Variants in LZTFL1 observed in about 807,000 individuals in gnomAD.
LZTFL1 encodes the protein leucine zipper transcription factor like 1, also known as leucine zipper transcription factor-like protein 1.
Under a neutral mutation model 45.9 loss-of-function variants are expected in LZTFL1, and 25 were observed. The observed-to-expected ratio is 0.54, with a 90% CI of 0.40 to 0.76. The LOEUF is 0.76. LZTFL1 is among the 30% of genes least tolerant of loss of function. The pLI, the probability that LZTFL1 is intolerant of heterozygous loss-of-function variation, is 0.00. For missense variants in LZTFL1, 277 were observed against 331.1 expected (o/e 0.84, Z 1.27); for synonymous variants, 93 against 117.4 (o/e 0.79, Z 1.35).
intron 2 of LZTFL1, among the ~76,000 whole-genome samples, chr3:45,898,165 A>G (rs779214325): frequency 2.0e-5 from 3 of 152,114 alleles, no homozygotes; most frequent in Non-Finnish European, 2.9e-5. Flanking sequence ...TGTGATGTCC[A>G]CTGTGGGGTC....
chr3:45,886,792 A>G (rs1701993199), intron 2 of LZTFL1: 1 of 152,224 alleles, frequency 6.6e-6, no homozygotes, highest in Non-Finnish European at 1.5e-5. Flanking sequence ...ACTTTTCTAG[A>G]AACTTCCAGG....
Position 45,890,308 on chromosome 3 carries a change from T to TATATATATAAATATATATATAACATAA in LZTFL1, c.-215+22811_-215+22812insTTATGTTATATATATATTTATATATAT. Among the ~76,000 whole-genome samples the TATATATATAAATATATATATAACATAA allele has an allele frequency of 3.2e-3, 244 of 77,350 alleles. 63 individuals are homozygous for TATATATATAAATATATATATAACATAA. In the African/African-American group the frequency reaches 0.033, roughly 10 times the overall value. The allele number at this position is 77,350 out of a possible 152,430, so 50.7% of individuals were successfully genotyped here. ...TTTATATAAATATATATATAACATA[T>TATATATATAAATATATATATAACATAA]ATATATATTTATATAAATATATATA... On this transcript the variant is annotated intron_variant, in intron 2 of 4. Coordinates refer to the LZTFL1 transcript ENST00000472635.
At chr3:45,886,782 A>C (rs372046211) in intron 2 of LZTFL1, 8 of 152,346 alleles carry the variant, frequency 5.3e-5, no homozygotes, top group African/African-American at 1.9e-4. Context: ...GGCACCAGGC[A>C]CTTTTCTAGA....
upstream of LZTFL1, among the ~76,000 whole-genome samples, chr3:45,846,334 T>C (rs1393630467): frequency 1.3e-5 from 2 of 152,248 alleles, no homozygotes; most frequent in Non-Finnish European, 2.9e-5. Context: ...CTACTTTGAC[T>C]TAATGCTACA....
At chr3:45,839,140 G>C (rs1016136927) in intron 1 of LZTFL1, among the ~76,000 whole-genome samples, 4 of 152,168 alleles carry the variant, frequency 2.6e-5, no homozygotes, top group African/African-American at 7.2e-5. Flanking sequence ...CCAGGCTGGA[G>C]TGCAGTGGCG....
At chr3:45,870,653 A>G (rs969533740) in intron 2 of LZTFL1, among the ~76,000 whole-genome samples, 18 of 152,272 alleles carry the variant, frequency 1.2e-4, no homozygotes, top group Non-Finnish European at 2.5e-4. Context: ...CAGATTTTCC[A>G]ATGTTATTCA....
intron 2 of LZTFL1, among the ~76,000 whole-genome samples, chr3:45,863,325 T>A (rs1284408748): frequency 6.6e-6 from 1 of 152,178 alleles, no homozygotes. Flanking sequence ...ATGAAAGTCA[T>A]AATCTTGCAA....
At chr3:45,839,044 A>C (rs1701037454) in intron 1 of LZTFL1, among the ~76,000 whole-genome samples, 1 of 152,242 alleles carries the variant, frequency 6.6e-6, no homozygotes, top group Admixed American at 6.5e-5. Context: ...CAATTTAGAA[A>C]TATCACAAAA....
chr3:45,860,207 G>T (rs1489128277), intron 2 of LZTFL1, among the ~76,000 whole-genome samples: 1 of 152,090 alleles, frequency 6.6e-6, no homozygotes. Flanking sequence ...GCCAGACACT[G>T]TCTCAAATAA....
At chr3:45,895,141 G>A (rs1315819212) in intron 2 of LZTFL1, 2 of 641,456 alleles carry the variant, frequency 3.1e-6, no homozygotes, top group Non-Finnish European at 5.6e-6. Flanking sequence ...CAAATGCAAA[G>A]AGGCAGCTAT....
intron 2 of LZTFL1, among the ~76,000 whole-genome samples, chr3:45,870,771 C>T (rs928488949): frequency 6.6e-6 from 1 of 152,220 alleles, no homozygotes; most frequent in African/African-American, 2.4e-5. Context: ...TGATTACAGA[C>T]AAACGAAACG....
At chr3:45,910,267 G>A (rs1056197499) in intron 2 of LZTFL1, among the ~76,000 whole-genome samples, 6 of 152,154 alleles carry the variant, frequency 3.9e-5, no homozygotes, top group Admixed American at 1.3e-4. Flanking sequence ...TTGGAGTGAC[G>A]GTGGTGGTTG....
chr3:45,859,438 G>A (rs773258423), intron 2 of LZTFL1, among the ~76,000 whole-genome samples: 5 of 151,992 alleles, frequency 3.3e-5, no homozygotes, highest in African/African-American at 4.8e-5. Context: ...TTTTGCCCAC[G>A]GTGGTTTCAA....
chr3:45,897,518 G>A (rs1159159516), intron 2 of LZTFL1: 2 of 1,345,306 alleles, frequency 1.5e-6, no homozygotes, highest in Non-Finnish European at 2.1e-6. Flanking sequence ...GGTCACCCAG[G>A]TCCTGGGATT....
At chr3:45,842,210 T>G (rs1170971213), upstream of LZTFL1, 1 of 1,418,658 alleles carries the variant, frequency 7.0e-7, no homozygotes, top group African/African-American at 1.4e-5. Flanking sequence ...GCGTAACCGG[T>G]TGACTGCCAC....
chr3:45,876,600 G>A (rs1012525621), intron 2 of LZTFL1, among the ~76,000 whole-genome samples: 1 of 152,152 alleles, frequency 6.6e-6, no homozygotes, highest in Non-Finnish European at 1.5e-5. Context: ...TGTGCCAGGC[G>A]CTGGCTCGAC....
Position 45,847,302 on chromosome 3 carries a change from T to G in LZTFL1, c.-49+7684A>C, listed in dbSNP as rs149008219. On this transcript the variant is annotated intron_variant, in intron 4 of 4. Transcript: ENST00000472635. ...GGTTGATGGCTTTCATGGCTTTTCC[T>G]GTAGCAAAGATGACATCTGCAGTGG... Among the ~76,000 whole-genome samples the G allele has an allele frequency of 3.2e-3, 483 of 152,346 alleles. 2 individuals are homozygous for G. Among genetic ancestry groups the G allele is most frequent in the African/African-American group, 0.011 (453 of 41,566 alleles).
At chr3:45,878,480 T>C (rs1020277381) in intron 2 of LZTFL1, among the ~76,000 whole-genome samples, 4 of 152,050 alleles carry the variant, frequency 2.6e-5, no homozygotes, top group Non-Finnish European at 5.9e-5. Flanking sequence ...GTTGGCGCTA[T>C]GGACAAAGTG....
chr3:45,865,504 A>G (rs908582521), intron 2 of LZTFL1, among the ~76,000 whole-genome samples: 16 of 152,284 alleles, frequency 1.1e-4, no homozygotes, highest in Admixed American at 8.5e-4. Context: ...TGCAAAGAAA[A>G]GATGAACACA....
Sources: allele counts gnomAD v4.1 joint callset (sites outside exome capture counted in the v4.1 genomes callset), GRCh38; gene constraint gnomAD v4.1.1; transcripts MANE v1.5; gene names NCBI Gene and HGNC (gene_info 2026-07-23, HGNC 2026-07-21).